VKORC1L1: variants seen among roughly 807,000 people sequenced by gnomAD.
The protein encoded by VKORC1L1 is vitamin K epoxide reductase complex subunit 1L1.
Under a neutral mutation model 18.9 loss-of-function variants are expected in VKORC1L1, and 2 were observed. The ratio of observed to expected loss-of-function variants is 0.11; its 90% confidence interval spans 0.04 to 0.33. The LOEUF (loss-of-function observed/expected upper bound fraction) is 0.33, where lower values mean the gene tolerates loss of function less well. VKORC1L1 is among the 10% of genes least tolerant of loss of function. VKORC1L1 has a pLI of 1.00. For missense variants in VKORC1L1, 123 were observed against 224.1 expected (o/e 0.55, Z 2.88); for synonymous variants, 96 against 100.0 (o/e 0.96, Z 0.24).
At chr7:65,905,953 G>A (rs1367450943) in intron 1 of VKORC1L1, among the ~76,000 whole-genome samples, 4 of 151,984 alleles carry the variant, frequency 2.6e-5, no homozygotes, top group South Asian at 4.1e-4. Flanking sequence ...AACATAAAAC[G>A]TATACATTTA....
At chr7:65,909,691 T>TGTGC (rs1789469717) in intron 1 of VKORC1L1, among the ~76,000 whole-genome samples, 1 of 7,342 alleles carries the variant, frequency 1.4e-4, no homozygotes, top group Admixed American at 1.7e-3. Context: ...TTTTAGCCTT[T>TGTGC]GTGTGTGTGT....
At chr7:65,921,817 C>T (rs1002709467) in intron 1 of VKORC1L1, among the ~76,000 whole-genome samples, 1 of 150,860 alleles carries the variant, frequency 6.6e-6, no homozygotes, top group African/African-American at 2.4e-5. Flanking sequence ...CACTGCACTC[C>T]AGCCTGGGCG....
chr7:65,893,427 G>A (rs1192592328), intron 1 of VKORC1L1, among the ~76,000 whole-genome samples: 1 of 152,058 alleles, frequency 6.6e-6, no homozygotes, highest in Non-Finnish European at 1.5e-5. Context: ...TTTAATCCCA[G>A]CTACTTGGGA....
At position 65,954,369 on chromosome 7, in the gene VKORC1L1, A is replaced by ATTG; in HGVS notation, c.*71_*72insGTT. 1 of 1,231,398 alleles carries ATTG rather than the reference A, an allele frequency of 8.1e-7. No individual in the cohort carries two copies. The highest frequency in any genetic ancestry group is 1.1e-6 in the Non-Finnish European group (1 of 941,486). The allele number at this position is 1,231,398 out of a possible 1,614,324, so 76.3% of individuals were successfully genotyped here. A position where few individuals can be genotyped will look rare whatever the true frequency, so the allele number is the denominator to read the frequency against. On this transcript the variant is annotated 3_prime_UTR_variant, in exon 3 of 3. Transcript: ENST00000360768. ...TCAGTTTATTTTGCAGCAGGTTTTT[A>ATTG]TTATTATTATTATTATTATTATTCA...
At chr7:65,953,844 G>A (rs947972737) in intron 2 of VKORC1L1, among the ~76,000 whole-genome samples, 1 of 152,178 alleles carries the variant, frequency 6.6e-6, no homozygotes, top group Non-Finnish European at 1.5e-5. Flanking sequence ...CAGCCTGGGC[G>A]GTAGAGTGAG....
At chr7:65,887,149 G>A (rs1290730840) in intron 1 of VKORC1L1, among the ~76,000 whole-genome samples, 7 of 151,706 alleles carry the variant, frequency 4.6e-5, no homozygotes, top group African/African-American at 1.7e-4. Context: ...ATGCCTGGCC[G>A]GGAAGGTAAG....
chr7:65,869,055 C>T (rs1225204571), upstream of VKORC1L1, among the ~76,000 whole-genome samples: 2 of 152,150 alleles, frequency 1.3e-5, no homozygotes, highest in East Asian at 3.8e-4. Flanking sequence ...TGGCTCACAC[C>T]TGTAATCCCA....
intron 1 of VKORC1L1, among the ~76,000 whole-genome samples, chr7:65,948,014 A>G (rs1790151194): frequency 6.6e-6 from 1 of 152,170 alleles, no homozygotes; most frequent in South Asian, 2.1e-4. Context: ...CATTCCCAGT[A>G]TATTTCTTAA....
intron 1 of VKORC1L1, among the ~76,000 whole-genome samples, chr7:65,893,936 G>T (rs1583829828): frequency 1.3e-5 from 2 of 152,072 alleles, no homozygotes; most frequent in Middle Eastern, 3.4e-3. Context: ...GAATTGTGTT[G>T]AATCAGTTTG....
At chr7:65,915,746 C>T (rs1278621503) in intron 1 of VKORC1L1, among the ~76,000 whole-genome samples, 4 of 151,580 alleles carry the variant, frequency 2.6e-5, no homozygotes, top group Non-Finnish European at 4.4e-5. Flanking sequence ...TAAATCAACA[C>T]CTAATTTATT....
At chr7:65,885,908 C>T (rs1335533042) in intron 1 of VKORC1L1, among the ~76,000 whole-genome samples, 3 of 152,286 alleles carry the variant, frequency 2.0e-5, no homozygotes, top group South Asian at 4.1e-4. Flanking sequence ...ACAAATCCCA[C>T]TGAGATTTTG....
At position 65,941,746 on chromosome 7, in the gene VKORC1L1, G is replaced by A. The variant is rs182331234; in HGVS notation, c.195-6925G>A. On this transcript the variant is annotated intron_variant, in intron 1 of 2. Coordinates refer to ENST00000360768, the MANE Select transcript of VKORC1L1 (RefSeq NM_173517.6). Reference sequence around the variant, plus strand: ...GGCTGGGGTGCAGTGGCGTGATCTCGGCTCACTATAACCTCTCCCTCTCGG... The same window carrying A: ...GGCTGGGGTGCAGTGGCGTGATCTCAGCTCACTATAACCTCTCCCTCTCGG... Among the ~76,000 whole-genome samples, 169 of 140,550 alleles carry A rather than the reference G, an allele frequency of 1.2e-3. 1 individual carries two copies. In the Middle Eastern group the frequency reaches 0.02, roughly 17 times the overall value. The allele number at this position is 140,550 out of a possible 152,430, so 92.2% of individuals were successfully genotyped here.
intron 1 of VKORC1L1, among the ~76,000 whole-genome samples, chr7:65,884,707 G>A (rs1237479107): frequency 1.3e-5 from 2 of 152,124 alleles, no homozygotes; most frequent in African/African-American, 2.4e-5. Context: ...AGAATATTAG[G>A]TGCCCTGTGC....
chr7:65,943,538 C>T (rs542216641), intron 1 of VKORC1L1, among the ~76,000 whole-genome samples: 1 of 152,196 alleles, frequency 6.6e-6, no homozygotes, highest in African/African-American at 2.4e-5. Flanking sequence ...ATTGTTTCTC[C>T]CACCTTTTTA....
At chr7:65,878,927 A>G (rs1344058360) in intron 1 of VKORC1L1, among the ~76,000 whole-genome samples, 1 of 152,152 alleles carries the variant, frequency 6.6e-6, no homozygotes, top group Admixed American at 6.6e-5. Context: ...GAAAAATTAA[A>G]TTCTTGTCTA....
chr7:65,907,912 C>A (rs1789432278), intron 1 of VKORC1L1, among the ~76,000 whole-genome samples: 1 of 151,526 alleles, frequency 6.6e-6, no homozygotes, highest in African/African-American at 2.4e-5. Flanking sequence ...TCAAAGACAA[C>A]AGTTTCAATG....
At chr7:65,943,571 C>T (rs1239823794) in intron 1 of VKORC1L1, among the ~76,000 whole-genome samples, 2 of 151,896 alleles carry the variant, frequency 1.3e-5, no homozygotes, top group African/African-American at 4.8e-5. Flanking sequence ...TCCATTCTTC[C>T]TTTTTAATGG....
intron 1 of VKORC1L1, among the ~76,000 whole-genome samples, chr7:65,879,199 T>C (rs927115826): frequency 2.0e-4 from 30 of 152,180 alleles, no homozygotes; most frequent in Non-Finnish European, 4.0e-4. Context: ...TTTAAATGCT[T>C]ATGTTCATAT....
At chr7:65,936,885 A>G (rs947348289) in intron 1 of VKORC1L1, among the ~76,000 whole-genome samples, 3 of 152,208 alleles carry the variant, frequency 2.0e-5, no homozygotes, top group Non-Finnish European at 4.4e-5. Context: ...GAAAGAAAAG[A>G]GAAGAAACAA....
Sources: gnomAD v4.1 joint callset for allele counts (sites outside exome capture counted in the v4.1 genomes callset) on GRCh38, gnomAD v4.1.1 for gene constraint, MANE v1.5 for transcripts, NCBI Gene and HGNC (gene_info 2026-07-23, HGNC 2026-07-21) for gene names.